ZNF282: variants seen among roughly 807,000 people sequenced by gnomAD.
The protein encoded by ZNF282 is HTLV-I U5 repressive element-binding protein 1.
In ZNF282, 30 loss-of-function variants were observed where a neutral mutation model predicts 61.9. The ratio of observed to expected loss-of-function variants is 0.48; its 90% CI spans 0.36 to 0.66. The LOEUF (loss-of-function observed/expected upper bound fraction) is 0.66. ZNF282 is among the 30% of genes least tolerant of loss of function. ZNF282 has a pLI of 0.00. For synonymous variants in ZNF282, 396 were observed against 405.0 expected (o/e 0.98, Z 0.27); for missense variants, 788 against 941.4 (o/e 0.84, Z 2.13).
In ZNF282 at chr7:149,198,722, G is replaced by A; in HGVS notation, c.555G>A (p.Leu185=). The A allele has an allele frequency of 6.2e-7, 1 of 1,613,714 alleles. No homozygotes were observed. Among genetic ancestry groups the A allele is most frequent in the Non-Finnish European group, 8.5e-7 (1 of 1,179,836 alleles). The change falls in exon 2 of 8, where the codon CTG becomes CTA. Residue 185 remains leucine, a synonymous_variant. Transcript: ENST00000610704. The surrounding 1 kb of genome is among the most constrained non-coding windows in gnomAD (Gnocchi z 4.3). Reference sequence around the variant, plus strand: ...ACAGGAACTTCTGGGTCCTGCGGCTGCCCCCGGGCAGCAAGGGGGAGGCCC... The same window carrying A: ...ACAGGAACTTCTGGGTCCTGCGGCTACCCCCGGGCAGCAAGGGGGAGGCCC... ...LRNRNFWVLR[L]PPGSKGEAPK... is the part of the protein sequence containing the mutation.
intron 2 of ZNF282, among the ~76,000 whole-genome samples, chr7:149,200,904 C>T (rs570714948): frequency 6.6e-5 from 10 of 152,110 alleles, no homozygotes; most frequent in Non-Finnish European, 1.3e-4. Context: ...GCTAGTCTCA[C>T]ATTATTAAAA....
intron 2 of ZNF282, among the ~76,000 whole-genome samples, chr7:149,200,231 G>A (rs1012827210): frequency 6.6e-6 from 1 of 152,114 alleles, no homozygotes; most frequent in South Asian, 2.1e-4. Context: ...CAGTATTCCA[G>A]TTGATTGGTA....
chr7:149,199,170 C>T (rs1310413761), intron 2 of ZNF282, among the ~76,000 whole-genome samples: 1 of 152,162 alleles, frequency 6.6e-6, no homozygotes, highest in Non-Finnish European at 1.5e-5. Context: ...GCTTTCAAGT[C>T]GTAGTCACTT....
intron 2 of ZNF282, among the ~76,000 whole-genome samples, chr7:149,199,573 C>T (rs1367649675): frequency 6.6e-6 from 1 of 152,214 alleles, no homozygotes; most frequent in African/African-American, 2.4e-5. Flanking sequence ...CTCATTTCTC[C>T]ACTCCTCTTT....
In ZNF282 at chr7:149,203,489, G is replaced by A. The variant is rs144420241; in HGVS notation, c.586-3207G>A. 2.0e-5 allele frequency among the ~76,000 whole-genome samples: 3 copies of A among 152,254 alleles called. No homozygotes were observed. In the East Asian group the frequency reaches 5.8e-4, roughly 29 times the overall value. ...AGTCTCTCAATTAATTAGGACTATA[G>A]GCACATGCCACCACACCCAGTTAAG... On this transcript the variant is annotated intron_variant, in intron 2 of 7. Transcript: ENST00000610704.
Position 149,224,549 on chromosome 7 carries a change from C to T in ZNF282, c.1918C>T (p.Arg640Cys), listed in dbSNP as rs750317439. ...GTGCGGCGAGTGCGGCAAGAGCTTC[C>T]GCTACAAGGAGTCGCTCAAGGACCA... ...YTCGECGKSFRYKESLKDHLR... is the reference protein window; with the variant it reads ...YTCGECGKSFCYKESLKDHLR... Residue 640 changes from arginine to cysteine, a missense_variant, in exon 8 of 8, where the codon CGC (arginine) becomes TGC (cysteine). By Grantham distance (180) the Arg-to-Cys change is radical. Coordinates refer to ENST00000610704, the MANE Select transcript of ZNF282 (RefSeq NM_003575.4). The T allele has an allele frequency of 1.9e-6, 3 of 1,609,158 alleles. No individual in the cohort carries two copies. Among genetic ancestry groups the T allele is most frequent in the East Asian group, 2.2e-5 (1 of 44,856 alleles).
intron 7 of ZNF282, among the ~76,000 whole-genome samples, chr7:149,220,239 T>C (rs1585575711): frequency 6.6e-6 from 1 of 151,896 alleles, no homozygotes; most frequent in African/African-American, 2.4e-5. Context: ...AAACCCCGTC[T>C]CTACTAAAAA....
At chr7:149,222,683 C>G (rs931940966) in intron 7 of ZNF282, among the ~76,000 whole-genome samples, 5 of 152,130 alleles carry the variant, frequency 3.3e-5, no homozygotes, top group Non-Finnish European at 5.9e-5. Flanking sequence ...GAGTCTCGCT[C>G]TGTCGCCAGG....
intron 1 of ZNF282, 22 bp downstream of exon 1, chr7:149,195,776 C>T: frequency 3.4e-6 from 5 of 1,474,468 alleles, no homozygotes; most frequent in Non-Finnish European, 4.5e-6. Flanking sequence ...CCGCCGGCGC[C>T]ATGGCCGCGC....
chr7:149,220,917 G>GTTTTTTT (rs764989538), intron 7 of ZNF282, among the ~76,000 whole-genome samples: 2 of 47,688 alleles, frequency 4.2e-5, no homozygotes, highest in Admixed American at 5.4e-4. Context: ...CCCCTGGAGG[G>GTTTTTTT]TTTTTTTTTT....
At chr7:149,223,776 C>A in intron 7 of ZNF282, 36 bp from the exon 8 acceptor site, 1 of 1,467,370 alleles carries the variant, frequency 6.8e-7, no homozygotes, top group South Asian at 1.4e-5. Context: ...TGGCCGAGAA[C>A]CCCTGTCAGC....
chr7:149,224,188 G>A lies in ZNF282; in HGVS notation c.1557G>A (p.Ser519=). 3 of 1,603,902 alleles carry A rather than the reference G, an allele frequency of 1.9e-6. No individual in the cohort carries two copies. Among genetic ancestry groups the A allele is most frequent in the Non-Finnish European group, 1.7e-6 (2 of 1,179,284 alleles). The change falls in exon 8 of 8, where the codon TCG becomes TCA. Residue 519 remains serine, a synonymous_variant. Coordinates refer to ENST00000610704, the MANE Select transcript of ZNF282 (RefSeq NM_003575.4). The stretch of plus-strand genomic sequence containing the variant: ...ACGGCGCCCGCAGCAAGCCCTACTC[G>A]TGCCCCGAGTGCGGCAAGAGCTTCG... The part of the protein sequence containing the change: ...LLHGARSKPY[S]CPECGKSFGV...
At chr7:149,207,226 C>T in intron 3 of ZNF282, 125 bp from the exon 4 acceptor site, 2 of 1,270,068 alleles carry the variant, frequency 1.6e-6, no homozygotes, top group Non-Finnish European at 2.1e-6. Flanking sequence ...ACTCGCATAA[C>T]TGCTGCCAAA....
At position 149,224,655 on chromosome 7, in the gene ZNF282, C is replaced by T. The variant is rs1375193299; in HGVS notation, c.*8C>T. The T allele has an allele frequency of 6.7e-7, 1 of 1,501,872 alleles. No individual in the cohort carries two copies. Among genetic ancestry groups the T allele is most frequent in the Admixed American group, 2.1e-5 (1 of 47,270 alleles). 93.0% of individuals were successfully genotyped at this position (1,501,872 alleles called of 1,614,324 possible). Reference sequence around the variant, plus strand: ...CCTCCTGAGCGAGACTAGGGCTGGGCTGGGGGAGGGCAGGGCCGGACGGAG... The same window carrying T: ...CCTCCTGAGCGAGACTAGGGCTGGGTTGGGGGAGGGCAGGGCCGGACGGAG... On this transcript the variant is annotated 3_prime_UTR_variant, in exon 8 of 8. Coordinates refer to ENST00000610704, the MANE Select transcript of ZNF282 (RefSeq NM_003575.4).
intron 4 of ZNF282, among the ~76,000 whole-genome samples, chr7:149,207,789 G>T (rs775153821): frequency 2.6e-5 from 4 of 152,252 alleles, no homozygotes; most frequent in Non-Finnish European, 5.9e-5. Context: ...GCTCAGAGAG[G>T]CTGACAGAGG....
chr7:149,202,856 T>C (rs1241239342), intron 2 of ZNF282, among the ~76,000 whole-genome samples: 1 of 152,154 alleles, frequency 6.6e-6, no homozygotes, highest in Admixed American at 6.5e-5. Context: ...TCCCTGTGCC[T>C]GGAATGGTAC....
intron 4 of ZNF282, among the ~76,000 whole-genome samples, chr7:149,209,215 G>A (rs1276135953): frequency 2.0e-5 from 3 of 151,582 alleles, no homozygotes; most frequent in Non-Finnish European, 4.4e-5. Context: ...CCAGCTACTC[G>A]GGAGGCTGAG....
Position 149,213,695 on chromosome 7 carries a change from C to T in ZNF282, c.1067-6C>T. On this transcript the variant is annotated splice_polypyrimidine_tract_variant and splice_region_variant and intron_variant, in intron 6 of 7. Transcript: ENST00000610704. ...ATCTAAGACTGCCTTCTTTCCATGA[C>T]AACAGAGTCTCTCATCTCAGCACAT... is the stretch of plus-strand genomic sequence containing the variant. 1 of 1,608,516 alleles carries T rather than the reference C, an allele frequency of 6.2e-7. No homozygotes were observed. Among genetic ancestry groups the T allele is most frequent in the African/African-American group, 1.3e-5 (1 of 74,924 alleles).
At position 149,210,663 on chromosome 7, in the gene ZNF282, G is replaced by A. The variant is rs1054859413; in HGVS notation, c.911G>A (p.Arg304Gln). 14 of 1,609,458 alleles carry A rather than the reference G, an allele frequency of 8.7e-6. No homozygotes were observed. The highest frequency in any genetic ancestry group is 6.7e-5 in the South Asian group (6 of 90,104). Residue 304 changes from arginine (R) to glutamine (Q), a missense_variant, in exon 5 of 8, where the codon CGG (arginine) becomes CAG (glutamine). Physicochemically the swap from Arg to Gln is conservative, Grantham distance 43. Transcript: ENST00000610704. ...GACACCCTGTGTGTCCGGGGTCAGC[G>A]GGGCCTGGAGGAAAGAGCCATCCCT... ...REDTLCVRGQ[R>Q]GLEERAIPTE...
Sources: allele counts gnomAD v4.1 joint callset (sites outside exome capture counted in the v4.1 genomes callset), GRCh38; gene constraint gnomAD v4.1.1; non-coding constraint Gnocchi (gnomAD v3.1); transcripts MANE v1.5; gene names NCBI Gene and HGNC (gene_info 2026-07-23, HGNC 2026-07-21).